Variants in CTTNBP2 observed in about 807,000 individuals in gnomAD.
CTTNBP2 encodes cortactin binding protein 2.
A neutral mutation model predicts 156.9 loss-of-function variants in CTTNBP2; 108 were observed. That is an observed-to-expected ratio of 0.69 (90% CI 0.59 to 0.81). The LOEUF (loss-of-function observed/expected upper bound fraction) is 0.81, where lower values mean the gene tolerates loss of function less well. Ranked by LOEUF, CTTNBP2 falls within the 30% of genes least tolerant of loss-of-function variation. CTTNBP2 has a pLI of 0.00. For synonymous variants in CTTNBP2, 767 were observed against 751.8 expected (o/e 1.02, Z -0.33); for missense variants, 1,924 against 2,035.4 (o/e 0.95, Z 1.05).
chr7:117,750,372 T>G (rs573548176), intron 12 of CTTNBP2, among the ~76,000 whole-genome samples: 2 of 152,326 alleles, frequency 1.3e-5, no homozygotes, highest in Non-Finnish European at 2.9e-5. Flanking sequence ...GAAAAGGCCA[T>G]TCACTAGATG....
intron 19 of CTTNBP2, 29 bp downstream of exon 19, chr7:117,724,518 T>C (rs768632033): frequency 1.2e-5 from 19 of 1,570,002 alleles, no homozygotes; most frequent in Admixed American, 3.9e-5. Flanking sequence ...CACCTCCTGG[T>C]AGGCAACATG....
intron 2 of CTTNBP2, among the ~76,000 whole-genome samples, chr7:117,822,710 G>T (rs1248741472): frequency 2.0e-5 from 3 of 152,168 alleles, no homozygotes; most frequent in African/African-American, 7.2e-5. Flanking sequence ...TAAGTCTATT[G>T]AGGTCACTGA....
intron 16 of CTTNBP2, among the ~76,000 whole-genome samples, chr7:117,728,731 T>C (rs1795242370): frequency 6.6e-6 from 1 of 152,216 alleles, no homozygotes; most frequent in Non-Finnish European, 1.5e-5. Flanking sequence ...TACATACTTA[T>C]TTTTATTTAA....
At chr7:117,820,964 A>G (rs553921235) in intron 2 of CTTNBP2, among the ~76,000 whole-genome samples, 2 of 152,214 alleles carry the variant, frequency 1.3e-5, no homozygotes, top group South Asian at 4.1e-4. Flanking sequence ...TTTTGAATAT[A>G]TTTTGTTAGG....
chr7:117,783,060 T>G, intron 5 of CTTNBP2, 99 bp from the exon 6 acceptor site: 1 of 788,338 alleles, frequency 1.3e-6, no homozygotes, highest in Non-Finnish European at 2.1e-6. Flanking sequence ...CCAAAGGGAC[T>G]CTCCCCTGCA....
rs1305224138 is a variant in CTTNBP2 at position 117,861,325 on chromosome 7, C to T, written c.82-9G>A. On this transcript the variant is annotated splice_polypyrimidine_tract_variant and intron_variant, in intron 1 of 22. Coordinates refer to ENST00000160373, the MANE Select transcript of CTTNBP2 (RefSeq NM_033427.3). ...ACATCAAACTCTTTTTTCTGTAACACATAAAAAAATAAGGCCATGAAAAAT... is the reference window on the plus strand; with the variant it reads ...ACATCAAACTCTTTTTTCTGTAACATATAAAAAAATAAGGCCATGAAAAAT... 4 of 1,587,752 alleles carry T rather than the reference C, an allele frequency of 2.5e-6. No homozygotes were observed. Among genetic ancestry groups the T allele is most frequent in the Non-Finnish European group, 1.7e-6 (2 of 1,159,958 alleles).
At chr7:117,743,081 C>A (rs1474144575) in intron 14 of CTTNBP2, among the ~76,000 whole-genome samples, 2 of 152,206 alleles carry the variant, frequency 1.3e-5, no homozygotes, top group Non-Finnish European at 2.9e-5. Flanking sequence ...GGCCACTCTC[C>A]AAACTGGGAA....
chr7:117,763,555 C>CTTTTTTTTTTTTTTTT (rs767309488), intron 9 of CTTNBP2, among the ~76,000 whole-genome samples: 4 of 103,452 alleles, frequency 3.9e-5, no homozygotes, highest in Non-Finnish European at 7.6e-5. Context: ...TCTTCTTCTT[C>CTTTTTTTTTTTTTTTT]TTTTTTTTTT....
intron 1 of CTTNBP2, among the ~76,000 whole-genome samples, chr7:117,867,402 G>GT (rs1439886163): frequency 6.6e-6 from 1 of 152,120 alleles, no homozygotes; most frequent in Non-Finnish European, 1.5e-5. Flanking sequence ...TCACTTGGCA[G>GT]TTAATCATGT....
intron 20 of CTTNBP2, among the ~76,000 whole-genome samples, chr7:117,720,854 CATTAT>C (rs1298680546): frequency 6.6e-6 from 1 of 152,148 alleles, no homozygotes; most frequent in African/African-American, 2.4e-5. Flanking sequence ...CTTCATATTG[CATTAT>C]ATTAATCTTA....
chr7:117,716,447 A>AAGGAATCCTAAATTCTTGGGTCCTAG (rs1794382923), intron 22 of CTTNBP2, among the ~76,000 whole-genome samples: 1 of 152,120 alleles, frequency 6.6e-6, no homozygotes, highest in Non-Finnish European at 1.5e-5. Context: ...GATGTTCCAC[A>AAGGAATCCTAAATTCTTGGGTCCTAG]AGGAATCCTA....
At chr7:117,763,933 T>A (rs1247892348) in intron 9 of CTTNBP2, among the ~76,000 whole-genome samples, 1 of 152,012 alleles carries the variant, frequency 6.6e-6, no homozygotes, top group Non-Finnish European at 1.5e-5. Flanking sequence ...GGGTCATTTT[T>A]AAAAAATATT....
At chr7:117,796,457 C>G (rs962238266) in intron 3 of CTTNBP2, among the ~76,000 whole-genome samples, 1 of 152,020 alleles carries the variant, frequency 6.6e-6, no homozygotes, top group African/African-American at 2.4e-5. Context: ...AATCTTTGAC[C>G]ATTTCAGCTC....
Position 117,745,711 on chromosome 7 carries a change from G to A in CTTNBP2, c.3535+120C>T, listed in dbSNP as rs1796289013. On this transcript the variant is annotated intron_variant, in intron 14 of 22. Coordinates refer to ENST00000160373, the MANE Select transcript of CTTNBP2 (RefSeq NM_033427.3). ...TTTTGCAAGTGTTTATCCCACAGCT[G>A]CTGAATAATTAAAGTTATCTTAAAT... is the stretch of plus-strand genomic sequence containing the variant. The A allele has an allele frequency of 2.4e-5, 16 of 675,474 alleles. No individual in the cohort carries two copies. In the South Asian group the frequency reaches 2.5e-4, roughly 10 times the overall value. The allele number at this position is 675,474 out of a possible 1,614,324, so 41.8% of individuals were successfully genotyped here. A position where few individuals can be genotyped will look rare whatever the true frequency, so the allele number is the denominator to read the frequency against.
In CTTNBP2 at chr7:117,784,264, C is replaced by T. The variant is rs1798581181; in HGVS notation, c.2259G>A (p.Lys753=). 1 of 1,607,752 alleles carries T rather than the reference C, an allele frequency of 6.2e-7. No homozygotes were observed. Among genetic ancestry groups the T allele is most frequent in the African/African-American group, 1.3e-5 (1 of 74,750 alleles). ...DGHSALYSAA[K]NGHTDCVRLL... ...CGCCATATTTACCTGTATGTCCATT[C>T]TTAGCAGCAGAATACAAGGCAGAAT... The change falls in exon 5 of 23, where the codon AAG becomes AAA. Residue 753 remains lysine, a synonymous_variant. Coordinates refer to ENST00000160373, the MANE Select transcript of CTTNBP2 (RefSeq NM_033427.3).
chr7:117,772,641 A>C (rs900258165), intron 8 of CTTNBP2, among the ~76,000 whole-genome samples: 1 of 152,200 alleles, frequency 6.6e-6, no homozygotes, highest in African/African-American at 2.4e-5. Context: ...AGAAAACTGG[A>C]AAGTTTGTTC....
intron 16 of CTTNBP2, 62 bp from the exon 17 acceptor site, chr7:117,728,329 C>A: frequency 8.4e-7 from 1 of 1,196,728 alleles, no homozygotes; most frequent in Non-Finnish European, 1.2e-6. Context: ...TTTAGAAGCC[C>A]AAAATTAAAA....
chr7:117,778,201 A>G (rs1176350080), intron 7 of CTTNBP2, among the ~76,000 whole-genome samples: 1 of 152,206 alleles, frequency 6.6e-6, no homozygotes, highest in East Asian at 1.9e-4. Flanking sequence ...TAAGGCACTG[A>G]CCTAACTCTG....
chr7:117,790,280 T>A (rs1219299563), intron 4 of CTTNBP2, among the ~76,000 whole-genome samples: 1 of 152,218 alleles, frequency 6.6e-6, no homozygotes, highest in Non-Finnish European at 1.5e-5. Flanking sequence ...TTTACAATTA[T>A]GTATTTTTGG....
Sources: allele counts gnomAD v4.1 joint callset (sites outside exome capture counted in the v4.1 genomes callset), GRCh38; gene constraint gnomAD v4.1.1; transcripts MANE v1.5; gene names NCBI Gene and HGNC (gene_info 2026-07-23, HGNC 2026-07-21).